CNBD1: variants seen among roughly 807,000 people sequenced by gnomAD.
The protein encoded by CNBD1 is cyclic nucleotide binding domain containing 1.
In CNBD1, 71 loss-of-function variants were observed where a neutral mutation model predicts 54.4. The ratio of observed to expected loss-of-function variants is 1.30; its 90% confidence interval spans 1.08 to 1.59. The LOEUF is 1.59. CNBD1 is among the 40% of genes most tolerant of loss of function. The pLI is 0.00. For synonymous variants in CNBD1, 182 were observed against 170.7 expected, an observed-to-expected ratio of 1.07 and a Z score of -0.51; for missense variants, 659 against 518.0, an observed-to-expected ratio of 1.27 and a Z score of -2.64.
At chr8:86,870,449 G>A (rs139159105) in intron 1 of CNBD1, among the ~76,000 whole-genome samples, 1,927 of 151,592 alleles carry the variant, frequency 0.013, 34 homozygotes, top group Middle Eastern at 0.041. Flanking sequence ...CACCCGCCTC[G>A]GCCTCTCAAA....
chr8:87,172,684 T>A (rs1364051506), intron 4 of CNBD1, among the ~76,000 whole-genome samples: 2 of 152,168 alleles, frequency 1.3e-5, no homozygotes, highest in East Asian at 3.8e-4. Flanking sequence ...GATATAAGTA[T>A]AACTACTCCT....
chr8:87,376,349 G>T (rs969899724), intron 10 of CNBD1, among the ~76,000 whole-genome samples: 1 of 151,810 alleles, frequency 6.6e-6, no homozygotes, highest in Non-Finnish European at 1.5e-5. Flanking sequence ...AGCAAGCTCT[G>T]ACAAGGGTAC....
At chr8:87,102,909 C>G in intron 4 of CNBD1, among the ~76,000 whole-genome samples, 1 of 152,078 alleles carries the variant, frequency 6.6e-6, no homozygotes, top group East Asian at 1.9e-4. Flanking sequence ...CCACAGCGCT[C>G]GGCCACAGGA....
chr8:87,378,353 G>A (rs1403828244), intron 10 of CNBD1, among the ~76,000 whole-genome samples: 3 of 148,524 alleles, frequency 2.0e-5, no homozygotes, highest in African/African-American at 5.1e-5. Context: ...AAGGGATCCA[G>A]TTTCAGCTTT....
intron 4 of CNBD1, among the ~76,000 whole-genome samples, chr8:87,002,902 C>T (rs1809021961): frequency 6.6e-6 from 1 of 152,070 alleles, no homozygotes; most frequent in African/African-American, 2.4e-5. Context: ...AAGTTTCTGG[C>T]ATGTATTATG....
chr8:87,083,221 G>T (rs146637258), intron 4 of CNBD1, among the ~76,000 whole-genome samples: 3 of 152,098 alleles, frequency 2.0e-5, no homozygotes, highest in Admixed American at 6.5e-5. Flanking sequence ...TTAAAATGGC[G>T]CTACTAAGCC....
At chr8:86,926,254 C>G (rs982824843) in intron 3 of CNBD1, among the ~76,000 whole-genome samples, 1 of 152,168 alleles carries the variant, frequency 6.6e-6, no homozygotes, top group African/African-American at 2.4e-5. Flanking sequence ...AATGACTGCT[C>G]TAGCTACTTC....
chr8:87,198,282 A>T (rs1813763283), intron 4 of CNBD1, among the ~76,000 whole-genome samples: 1 of 152,126 alleles, frequency 6.6e-6, no homozygotes, highest in African/African-American at 2.4e-5. Flanking sequence ...ACAAAGCTCC[A>T]CTCTGAGAGC....
In CNBD1 at chr8:86,866,714, A is replaced by G. The variant is rs571941502; in HGVS notation, c.88+131A>G. The G allele has an allele frequency of 8.5e-5, 58 of 685,420 alleles. 1 individual carries two copies. The South Asian group carries it at 9.9e-4, about 12-fold the overall frequency. 42.5% of individuals were successfully genotyped at this position (685,420 alleles called of 1,614,324 possible). On this transcript the variant is annotated intron_variant, in intron 1 of 10. Transcript: ENST00000518476. Reference sequence around the variant, plus strand: ...GGAATCTTATTGACAGTGCTGAAGAATGGAAAGAACATAGATGTGTAAATC... The same window carrying G: ...GGAATCTTATTGACAGTGCTGAAGAGTGGAAAGAACATAGATGTGTAAATC...
chr8:87,352,412 G>A (rs1454837123), intron 9 of CNBD1, among the ~76,000 whole-genome samples: 3 of 147,876 alleles, frequency 2.0e-5, no homozygotes, highest in Non-Finnish European at 3.0e-5. Flanking sequence ...CCTGGAAGGC[G>A]GAGGTTGCAG....
chr8:87,068,950 A>G (rs1361257754), intron 4 of CNBD1, among the ~76,000 whole-genome samples: 1 of 152,082 alleles, frequency 6.6e-6, no homozygotes, highest in East Asian at 1.9e-4. Flanking sequence ...TTCAGTGCCT[A>G]TGAATAGAGC....
intron 4 of CNBD1, among the ~76,000 whole-genome samples, chr8:87,099,005 C>T (rs1811372840): frequency 7.2e-6 from 1 of 138,348 alleles, no homozygotes; most frequent in South Asian, 2.3e-4. Flanking sequence ...CCATTGCACT[C>T]CAGCCTGGGA....
intron 1 of CNBD1, among the ~76,000 whole-genome samples, chr8:86,870,217 C>T (rs1199468463): frequency 3.0e-5 from 1 of 33,590 alleles, no homozygotes; most frequent in Non-Finnish European, 5.3e-5. Context: ...GAGACGGAAT[C>T]TCGCTCTGTC....
intron 6 of CNBD1, among the ~76,000 whole-genome samples, chr8:87,265,412 T>C (rs893785160): frequency 1.3e-5 from 2 of 152,152 alleles, no homozygotes; most frequent in Non-Finnish European, 2.9e-5. Context: ...AGCCTTGTAG[T>C]GTAGTTTGAA....
intron 8 of CNBD1, among the ~76,000 whole-genome samples, chr8:87,319,095 G>A (rs963688529): frequency 1.3e-5 from 2 of 152,072 alleles, no homozygotes; most frequent in Non-Finnish European, 1.5e-5. Flanking sequence ...ATCAAGGAAG[G>A]AGAGGATATT....
At chr8:87,038,796 A>C (rs2130605986) in intron 4 of CNBD1, among the ~76,000 whole-genome samples, 1 of 152,320 alleles carries the variant, frequency 6.6e-6, no homozygotes, top group East Asian at 1.9e-4. Flanking sequence ...TTGGAGGTTA[A>C]AGGCAAGATG....
At chr8:87,309,244 T>C (rs1464862675) in intron 8 of CNBD1, among the ~76,000 whole-genome samples, 5 of 152,174 alleles carry the variant, frequency 3.3e-5, no homozygotes, top group Non-Finnish European at 5.9e-5. Context: ...CTCATCAGCA[T>C]TTGTTAATTG....
At chr8:87,301,226 A>C (rs552503718) in intron 8 of CNBD1, among the ~76,000 whole-genome samples, 1 of 152,138 alleles carries the variant, frequency 6.6e-6, no homozygotes, top group African/African-American at 2.4e-5. Flanking sequence ...CCAACAAAAA[A>C]AGTCCAGGAC....
At chr8:86,942,235 C>T (rs1304332292) in intron 4 of CNBD1, among the ~76,000 whole-genome samples, 1 of 152,146 alleles carries the variant, frequency 6.6e-6, no homozygotes, top group African/African-American at 2.4e-5. Flanking sequence ...TGTTCTATAG[C>T]ACATGCCTTT....
Sources: gnomAD v4.1 joint callset for allele counts (sites outside exome capture counted in the v4.1 genomes callset) on GRCh38, gnomAD v4.1.1 for gene constraint, MANE v1.5 for transcripts, NCBI Gene and HGNC (gene_info 2026-07-23, HGNC 2026-07-21) for gene names.